The following HMGCLL1 variants were observed in gnomAD, a reference collection of about 807,000 sequenced individuals.
The protein encoded by HMGCLL1 is 3-hydroxy-3-methylglutaryl-CoA lyase like 1.
HMGCLL1 carries 36 observed loss-of-function variants against 39.1 expected under a neutral mutation model. That is an observed-to-expected ratio of 0.92 (90% confidence interval 0.71 to 1.22). HMGCLL1 has a LOEUF of 1.22. HMGCLL1 is among the 50% of genes most tolerant of loss of function. The pLI is 0.00. For missense variants in HMGCLL1, 451 were observed against 416.5 expected (o/e 1.08, Z -0.72); for synonymous variants, 149 against 144.0 (o/e 1.03, Z -0.25).
At chr6:55,627,961 A>AGT in the HMGCLL1 span, among the ~76,000 whole-genome samples, 24 of 852 alleles carry the variant, frequency 0.028, 5 homozygotes, top group African/African-American at 0.034. Context: ...CTATATATAT[A>AGT]ATATATATAT....
chr6:55,662,713 G>A, the HMGCLL1 span, among the ~76,000 whole-genome samples: 855 of 151,830 alleles, frequency 5.6e-3, 3 homozygotes, highest in Non-Finnish European at 7.9e-3. Context: ...TTAGGGAGGA[G>A]TCCCTCCTCC....
At chr6:55,490,811 G>C (rs1766269994) in intron 7 of HMGCLL1, among the ~76,000 whole-genome samples, 5 of 116,728 alleles carry the variant, frequency 4.3e-5, no homozygotes, top group African/African-American at 1.6e-4. Flanking sequence ...ATCACCTATT[G>C]CCAAAATCAG....
At position 55,541,761 on chromosome 6, in the gene HMGCLL1, T is replaced by A. The variant is rs1304429959; in HGVS notation, c.265A>T (p.Thr89Ser). The change falls in exon 3 of 9, where the codon ACT becomes TCT. Residue 89 changes from threonine (T) to serine (S), a missense_variant. Transcript: ENST00000274901. ...ACCCATCTGGAAGACACAAAGCTAG[T>A]CACTTCTATTACAGACAAGCCAGTT... is the stretch of plus-strand genomic sequence containing the variant. ...SQTGLSVIEVTSFVSSRWVPQ... is the reference protein window; with the variant it reads ...SQTGLSVIEVSSFVSSRWVPQ... The A allele has an allele frequency of 2.5e-6, 4 of 1,605,748 alleles. No homozygotes were observed. The highest frequency in any genetic ancestry group is 3.4e-6 in the Non-Finnish European group (4 of 1,175,138).
the HMGCLL1 span, among the ~76,000 whole-genome samples, chr6:55,666,129 A>T: frequency 1.3e-5 from 2 of 151,374 alleles, no homozygotes. Context: ...ACTTCTATAA[A>T]CCCTCTTTTT....
At chr6:55,597,149 C>A in the HMGCLL1 span, among the ~76,000 whole-genome samples, 1 of 152,012 alleles carries the variant, frequency 6.6e-6, no homozygotes, top group Non-Finnish European at 1.5e-5. Flanking sequence ...AATGTAAGAT[C>A]TTCCTTAGAA....
At chr6:55,509,364 C>A (rs754534806) in intron 5 of HMGCLL1, among the ~76,000 whole-genome samples, 2 of 151,788 alleles carry the variant, frequency 1.3e-5, no homozygotes, top group African/African-American at 2.4e-5. Flanking sequence ...AGCTACTAGT[C>A]ACAGTGTACT....
At chr6:55,619,162 G>A in the HMGCLL1 span, among the ~76,000 whole-genome samples, 6 of 152,000 alleles carry the variant, frequency 3.9e-5, no homozygotes, top group Admixed American at 3.9e-4. Flanking sequence ...GAAGTTGGTA[G>A]GCTATCAGAT....
upstream of HMGCLL1, among the ~76,000 whole-genome samples, chr6:55,583,373 G>A (rs1226577574): frequency 6.6e-6 from 1 of 151,178 alleles, no homozygotes; most frequent in African/African-American, 2.4e-5. Context: ...AGTCCCCAGA[G>A]TGTGATGTTC....
the HMGCLL1 span, among the ~76,000 whole-genome samples, chr6:55,670,706 A>G: frequency 1.3e-5 from 2 of 151,840 alleles, no homozygotes; most frequent in Non-Finnish European, 2.9e-5. Flanking sequence ...GTAAAAAGAT[A>G]CATTATGAAA....
intron 1 of HMGCLL1, among the ~76,000 whole-genome samples, chr6:55,546,538 A>C (rs1561953783): frequency 6.6e-6 from 1 of 152,118 alleles, no homozygotes; most frequent in African/African-American, 2.4e-5. Flanking sequence ...GTTATTGGGT[A>C]TAGGAGGTGA....
At chr6:55,453,670 G>T (rs1764198211) in intron 7 of HMGCLL1, among the ~76,000 whole-genome samples, 1 of 152,182 alleles carries the variant, frequency 6.6e-6, no homozygotes, top group South Asian at 2.1e-4. Flanking sequence ...AATTGAGATG[G>T]ATAGAGGCTG....
chr6:55,435,520 T>A lies in HMGCLL1; in HGVS notation c.*142A>T, dbSNP rs1262689245. On this transcript the variant is annotated 3_prime_UTR_variant, in exon 9 of 9. Coordinates refer to ENST00000274901, the MANE Select transcript of HMGCLL1 (RefSeq NM_001042406.2). ...ATTTTGTTGACTTAATCTATCCAGT[T>A]ATAATCTTTTTGAAAAGGATCTCTT... The A allele has an allele frequency of 2.2e-6, 1 of 449,576 alleles. No homozygotes were observed. The highest frequency in any genetic ancestry group is 2.0e-5 in the African/African-American group (1 of 49,456). 27.8% of individuals were successfully genotyped at this position (449,576 alleles called of 1,614,324 possible). A position where few individuals can be genotyped will look rare whatever the true frequency, so the allele number is the denominator to read the frequency against.
At chr6:55,676,216 C>T in the HMGCLL1 span, among the ~76,000 whole-genome samples, 3 of 152,040 alleles carry the variant, frequency 2.0e-5, no homozygotes, top group African/African-American at 4.8e-5. Context: ...AACAAACACT[C>T]TTATGCTTAA....
At chr6:55,556,184 A>G (rs1170442975) in intron 1 of HMGCLL1, among the ~76,000 whole-genome samples, 4 of 152,180 alleles carry the variant, frequency 2.6e-5, no homozygotes, top group Non-Finnish European at 4.4e-5. Context: ...TGTCTTCACA[A>G]ACTTACAGAC....
intron 1 of HMGCLL1, among the ~76,000 whole-genome samples, chr6:55,557,477 T>C (rs1770734834): frequency 6.6e-6 from 1 of 152,124 alleles, no homozygotes; most frequent in Admixed American, 6.6e-5. Flanking sequence ...GGCTTCGCTT[T>C]CTAACACACT....
intron 3 of HMGCLL1, among the ~76,000 whole-genome samples, chr6:55,540,271 GA>G (rs1483909445): frequency 6.6e-6 from 1 of 152,044 alleles, no homozygotes; most frequent in Non-Finnish European, 1.5e-5. Context: ...TGAAGAAGAA[GA>G]CATTTCATAC....
chr6:55,540,416 A>G (rs1769357153), intron 3 of HMGCLL1, among the ~76,000 whole-genome samples: 1 of 152,112 alleles, frequency 6.6e-6, no homozygotes. Flanking sequence ...AGCTCTCATG[A>G]ATGGCATTAG....
chr6:55,582,183 G>A (rs1441805643), upstream of HMGCLL1, among the ~76,000 whole-genome samples: 1 of 152,124 alleles, frequency 6.6e-6, no homozygotes, highest in Non-Finnish European at 1.5e-5. Flanking sequence ...GAGTGACCCT[G>A]GACAACTTTG....
At chr6:55,465,380 CAA>C (rs1303255604) in intron 7 of HMGCLL1, among the ~76,000 whole-genome samples, 1 of 151,924 alleles carries the variant, frequency 6.6e-6, no homozygotes, top group African/African-American at 2.4e-5. Context: ...ATATGAAAAT[CAA>C]AGAGAATACA....
Sources: allele counts gnomAD v4.1 joint callset (sites outside exome capture counted in the v4.1 genomes callset), GRCh38; gene constraint gnomAD v4.1.1; transcripts MANE v1.5; gene names NCBI Gene and HGNC (gene_info 2026-07-23, HGNC 2026-07-21).